Variants in NRG1 observed in about 807,000 individuals in gnomAD.
The protein encoded by NRG1 is pro-neuregulin-1, membrane-bound isoform.
NRG1 carries 18 observed loss-of-function variants against 63.8 expected under a neutral mutation model. The ratio of observed to expected loss-of-function variants is 0.28; its 90% CI spans 0.19 to 0.42. The LOEUF (loss-of-function observed/expected upper bound fraction) is 0.42. Ranked by LOEUF, NRG1 falls within the 10% of genes least tolerant of loss-of-function variation. The pLI, the probability that NRG1 is intolerant of heterozygous loss-of-function variation, is 1.00. For missense variants in NRG1, 762 were observed against 814.7 expected (o/e 0.94, Z 0.79); for synonymous variants, 302 against 301.3 (o/e 1.00, Z -0.02).
chr8:31,772,293 ATTTG>A (rs1239598816), intron 1 of NRG1, among the ~76,000 whole-genome samples: 1 of 151,852 alleles, frequency 6.6e-6, no homozygotes, highest in Non-Finnish European at 1.5e-5. Flanking sequence ...ACTGTTGTGT[ATTTG>A]TTTGTTCATC....
intron 1 of NRG1, among the ~76,000 whole-genome samples, chr8:31,679,622 T>C (rs942121419): frequency 6.6e-6 from 1 of 152,126 alleles, no homozygotes; most frequent in African/African-American, 2.4e-5. Flanking sequence ...ACATTGAAAG[T>C]ATTCTTTTTT....
At chr8:32,000,117 A>C (rs954528657) in intron 1 of NRG1, among the ~76,000 whole-genome samples, 1 of 152,036 alleles carries the variant, frequency 6.6e-6, no homozygotes, top group African/African-American at 2.4e-5. Flanking sequence ...TCAGATTGTC[A>C]GTTTCTTTTA....
chr8:32,340,438 C>T (rs1368512963), intron 1 of NRG1, among the ~76,000 whole-genome samples: 1 of 152,192 alleles, frequency 6.6e-6, no homozygotes, highest in Non-Finnish European at 1.5e-5. Context: ...AGCTCGATTT[C>T]TGTCTCTTTC....
intron 1 of NRG1, among the ~76,000 whole-genome samples, chr8:32,201,978 T>C (rs1428821770): frequency 6.6e-6 from 1 of 152,150 alleles, no homozygotes; most frequent in East Asian, 1.9e-4. Context: ...TTATTTCTTG[T>C]ATGTAAACTC....
chr8:32,072,019 T>A (rs1162631969), intron 1 of NRG1, among the ~76,000 whole-genome samples: 1 of 152,126 alleles, frequency 6.6e-6, no homozygotes, highest in Admixed American at 6.6e-5. Flanking sequence ...AAGGCAGAGT[T>A]CTTTCTTTTT....
intron 1 of NRG1, among the ~76,000 whole-genome samples, chr8:32,501,675 A>G (rs1047368901): frequency 6.6e-6 from 1 of 152,268 alleles, no homozygotes; most frequent in Non-Finnish European, 1.5e-5. Context: ...ATAAATATGG[A>G]AGATAACATA....
At chr8:32,279,814 G>T (rs1404722017) in intron 1 of NRG1, among the ~76,000 whole-genome samples, 3 of 152,170 alleles carry the variant, frequency 2.0e-5, no homozygotes, top group African/African-American at 7.2e-5. Context: ...GCGTCTGTTA[G>T]GTCTGAGTCT....
chr8:31,893,961 C>T (rs1831354909), intron 1 of NRG1, among the ~76,000 whole-genome samples: 1 of 152,036 alleles, frequency 6.6e-6, no homozygotes, highest in African/African-American at 2.4e-5. Flanking sequence ...TTATGCAGAT[C>T]ATTGTTATTC....
At chr8:32,504,924 C>A (rs1481770057) in intron 1 of NRG1, among the ~76,000 whole-genome samples, 2 of 152,030 alleles carry the variant, frequency 1.3e-5, no homozygotes, top group African/African-American at 4.8e-5. Context: ...GGCTGGAAAT[C>A]AAAGTTATTA....
intron 1 of NRG1, among the ~76,000 whole-genome samples, chr8:32,112,407 G>A (rs903487093): frequency 5.9e-5 from 9 of 152,224 alleles, no homozygotes; most frequent in African/African-American, 2.2e-4. Context: ...ATGGGCAGAA[G>A]TCAGCACCAG....
At chr8:31,738,626 G>A (rs993317131) in intron 1 of NRG1, among the ~76,000 whole-genome samples, 2 of 151,930 alleles carry the variant, frequency 1.3e-5, no homozygotes, top group Admixed American at 6.6e-5. Context: ...ACACAAACTG[G>A]GTGGCTTAAA....
At chr8:31,825,901 T>G (rs891480350) in intron 1 of NRG1, among the ~76,000 whole-genome samples, 5 of 152,300 alleles carry the variant, frequency 3.3e-5, no homozygotes, top group Admixed American at 3.3e-4. Context: ...ATAGTGCTAG[T>G]TACTTGAGCT....
At chr8:32,425,110 G>A (rs1358471943) in intron 1 of NRG1, among the ~76,000 whole-genome samples, 1 of 152,044 alleles carries the variant, frequency 6.6e-6, no homozygotes, top group Non-Finnish European at 1.5e-5. Context: ...ACCCATCTTG[G>A]CTAGGCAAGC....
At chr8:32,750,854 C>G (rs3735779) in intron 7 of NRG1, among the ~76,000 whole-genome samples, 8 of 151,664 alleles carry the variant, frequency 5.3e-5, no homozygotes, top group East Asian at 1.9e-4. Context: ...CTAGGGAGCA[C>G]GTTGTGTACT....
intron 1 of NRG1, among the ~76,000 whole-genome samples, chr8:32,052,230 C>G (rs1378774484): frequency 2.0e-5 from 3 of 149,490 alleles, no homozygotes; most frequent in Non-Finnish European, 3.0e-5. Flanking sequence ...TTGCTTTGTG[C>G]TATACAACTA....
chr8:32,172,223 C>A (rs1840147768), intron 1 of NRG1, among the ~76,000 whole-genome samples: 1 of 152,200 alleles, frequency 6.6e-6, no homozygotes, highest in Non-Finnish European at 1.5e-5. Flanking sequence ...GCTGCTGATA[C>A]CCAGGCAAAC....
chr8:31,795,379 T>C (rs1041190435), intron 1 of NRG1, among the ~76,000 whole-genome samples: 2 of 152,154 alleles, frequency 1.3e-5, no homozygotes, highest in African/African-American at 4.8e-5. Flanking sequence ...TCTGTTCTTA[T>C]TGGAAGTGAA....
chr8:32,545,015 A>G (rs1832941093), upstream of NRG1, among the ~76,000 whole-genome samples: 1 of 152,246 alleles, frequency 6.6e-6, no homozygotes, highest in Non-Finnish European at 1.5e-5. Context: ...TAAAAAAGTT[A>G]AAAGTGACTA....
intron 5 of NRG1, among the ~76,000 whole-genome samples, chr8:32,655,515 A>G (rs1563870559): frequency 6.6e-6 from 1 of 152,138 alleles, no homozygotes; most frequent in Non-Finnish European, 1.5e-5. Flanking sequence ...TGCCCTTTCT[A>G]TCAGGGTTCG....
Sources: allele counts gnomAD v4.1 joint callset (sites outside exome capture counted in the v4.1 genomes callset), GRCh38; gene constraint gnomAD v4.1.1; transcripts MANE v1.5; gene names NCBI Gene and HGNC (gene_info 2026-07-23, HGNC 2026-07-21).